Variants in IQGAP1 observed in about 807,000 individuals in gnomAD.
IQGAP1 encodes ras GTPase-activating-like protein IQGAP1.
Under a neutral mutation model 215.6 loss-of-function variants are expected in IQGAP1, and 66 were observed. That is an observed-to-expected ratio of 0.31 (90% CI 0.25 to 0.38). The LOEUF (loss-of-function observed/expected upper bound fraction) is 0.38, where lower values mean the gene tolerates loss of function less well. Among genes scored for constraint, IQGAP1 ranks in the 10% least tolerant of loss-of-function variants. The probability of loss-of-function intolerance (pLI) is 1.00; values close to 1 mark genes in which losing one functional copy is unlikely to be tolerated. For synonymous variants in IQGAP1, 772 were observed against 728.7 expected (o/e 1.06, Z -0.96); for missense variants, 1,712 against 1,997.1 (o/e 0.86, Z 2.72).
chr15:90,487,782 A>AT (rs1414049424), intron 33 of IQGAP1, among the ~76,000 whole-genome samples, 200 bp downstream of exon 33: 1 of 152,144 alleles, frequency 6.6e-6, no homozygotes, highest in East Asian at 1.9e-4. Context: ...TTTGGACAGG[A>AT]AGCTCACTGG....
chr15:90,483,577 T>G lies in IQGAP1; in HGVS notation c.3772T>G (p.Ser1258Ala). 4.3e-6 allele frequency: 7 copies of G among 1,610,712 alleles called. No homozygotes were observed. The highest frequency in any genetic ancestry group is 5.9e-6 in the Non-Finnish European group (7 of 1,178,536). ...CATCATTAATGAATATCTTTCCCAGTCCTACCAGAAATTCAGGTAAGGGGA... is the reference window on the plus strand; with the variant it reads ...CATCATTAATGAATATCTTTCCCAGGCCTACCAGAAATTCAGGTAAGGGGA... ...LSIINEYLSQSYQKFRRFFQT... is the reference protein window; with the variant it reads ...LSIINEYLSQAYQKFRRFFQT... The change falls in exon 29 of 38, where the codon TCC becomes GCC. Residue 1258 changes from serine (S) to alanine (A), a missense_variant. Physicochemically the swap from Ser to Ala is moderately conservative, Grantham distance 99. This residue lies in a region of IQGAP1 where 691 missense variants were observed against 923.0 expected (regional missense o/e 0.75). Transcript: ENST00000268182.
intron 23 of IQGAP1, among the ~76,000 whole-genome samples, chr15:90,475,074 A>G (rs1270369458): frequency 7.3e-6 from 1 of 136,438 alleles, no homozygotes; most frequent in Admixed American, 8.9e-5. Flanking sequence ...ATCTCGGCTC[A>G]CTGCAACCTC....
intron 2 of IQGAP1, among the ~76,000 whole-genome samples, chr15:90,417,646 T>C (rs1270457132): frequency 6.6e-6 from 1 of 152,242 alleles, no homozygotes; most frequent in African/African-American, 2.4e-5. Context: ...TCAGGTAGCA[T>C]GATGCTTCCA....
chr15:90,450,126 A>G (rs1302513307), intron 11 of IQGAP1, among the ~76,000 whole-genome samples: 1 of 151,780 alleles, frequency 6.6e-6, no homozygotes, highest in African/African-American at 2.4e-5. Context: ...CCGTTAGCCA[A>G]CCTCTCTATG....
chr15:90,401,896 G>A (rs1322783607), intron 2 of IQGAP1, among the ~76,000 whole-genome samples: 1 of 152,114 alleles, frequency 6.6e-6, no homozygotes, highest in Non-Finnish European at 1.5e-5. Context: ...TGTGAGATAG[G>A]CATTATTTTT....
At chr15:90,395,928 C>G (rs920827659) in intron 2 of IQGAP1, among the ~76,000 whole-genome samples, 1 of 152,162 alleles carries the variant, frequency 6.6e-6, no homozygotes, top group South Asian at 2.1e-4. Context: ...TGTGCGCTTT[C>G]AAGTCTGTCA....
intron 1 of IQGAP1, among the ~76,000 whole-genome samples, chr15:90,389,817 C>T (rs1020024083): frequency 6.6e-6 from 1 of 150,768 alleles, no homozygotes; most frequent in Admixed American, 6.6e-5. Flanking sequence ...ATTAGCCAGG[C>T]GTGGTGGCCC....
chr15:90,454,696 T>C, intron 14 of IQGAP1, 144 bp downstream of exon 14: 1 of 917,586 alleles, frequency 1.1e-6, no homozygotes, highest in Non-Finnish European at 1.6e-6. Context: ...TAAAGTTGGA[T>C]ATTGTTTTGA....
chr15:90,495,996 C>T (rs969601170), intron 36 of IQGAP1, among the ~76,000 whole-genome samples: 5 of 150,524 alleles, frequency 3.3e-5, no homozygotes, highest in Admixed American at 2.6e-4. Flanking sequence ...AAGTGCCTAC[C>T]TCTATTTGCC....
At chr15:90,496,659 G>A (rs1230032655) in intron 36 of IQGAP1, 1 of 151,916 alleles carries the variant, frequency 6.6e-6, no homozygotes, top group East Asian at 1.9e-4. Context: ...AAAATTTCCT[G>A]GCACGTAACA....
At chr15:90,388,476 CG>C in intron 1 of IQGAP1, 80 bp downstream of exon 1, 1 of 300,080 alleles carries the variant, frequency 3.3e-6, no homozygotes, top group Non-Finnish European at 6.3e-6. Flanking sequence ...GGGGCTCGGC[CG>C]GGCGGGTGGG....
chr15:90,433,919 A>T lies in IQGAP1; in HGVS notation c.467+124A>T, dbSNP rs1484504956. ...ATTAGTTTCAAAAGTTCCAAATAGG[A>T]TAAAATACTATTATCCGAACAAAAT... On this transcript the variant is annotated intron_variant, in intron 5 of 37. Coordinates refer to ENST00000268182, the MANE Select transcript of IQGAP1 (RefSeq NM_003870.4). 16 of 521,848 alleles carry T rather than the reference A, an allele frequency of 3.1e-5. No homozygotes were observed. In the South Asian group the frequency reaches 4.4e-4, roughly 14 times the overall value. 32.3% of individuals were successfully genotyped at this position (521,848 alleles called of 1,614,324 possible).
At chr15:90,475,246 G>A (rs1167757579) in intron 23 of IQGAP1, among the ~76,000 whole-genome samples, 3 of 151,960 alleles carry the variant, frequency 2.0e-5, no homozygotes, top group Non-Finnish European at 2.9e-5. Context: ...TGATCCACCC[G>A]CCTCAGCCTC....
chr15:90,495,869 C>G (rs1966265681), intron 36 of IQGAP1, among the ~76,000 whole-genome samples: 1 of 150,064 alleles, frequency 6.7e-6, no homozygotes, highest in African/African-American at 2.4e-5. Context: ...AAACTCCTGA[C>G]CTCATGTGAT....
intron 2 of IQGAP1, among the ~76,000 whole-genome samples, chr15:90,403,153 G>A (rs1039962784): frequency 2.0e-5 from 3 of 152,162 alleles, no homozygotes; most frequent in Non-Finnish European, 4.4e-5. Flanking sequence ...GCACACACCT[G>A]TAGTTCCAGC....
chr15:90,453,356 C>T, intron 13 of IQGAP1, 64 bp downstream of exon 13: 1 of 1,267,154 alleles, frequency 7.9e-7, no homozygotes, highest in South Asian at 1.5e-5. Context: ...TTTTGTATGT[C>T]AGTGCTCCGA....
chr15:90,472,555 C>T (rs1567137521), intron 18 of IQGAP1, among the ~76,000 whole-genome samples: 1 of 152,036 alleles, frequency 6.6e-6, no homozygotes, highest in Non-Finnish European at 1.5e-5. Context: ...CAGCACAGTG[C>T]CCAGCCTAGT....
chr15:90,398,455 G>T (rs570687848), intron 2 of IQGAP1, among the ~76,000 whole-genome samples: 1 of 152,282 alleles, frequency 6.6e-6, no homozygotes, highest in South Asian at 2.1e-4. Context: ...TAAAGGAAAA[G>T]AAGGGATTAA....
intron 8 of IQGAP1, among the ~76,000 whole-genome samples, chr15:90,443,030 A>G (rs1179094955): frequency 6.6e-6 from 1 of 151,910 alleles, no homozygotes; most frequent in Non-Finnish European, 1.5e-5. Context: ...CACGGTCATA[A>G]CTCACTGCAG....
Sources: gnomAD v4.1 joint callset for allele counts (sites outside exome capture counted in the v4.1 genomes callset) on GRCh38, gnomAD v4.1.1 for gene constraint, gnomAD v4.1.1 regional missense constraint, MANE v1.5 for transcripts, NCBI Gene and HGNC (gene_info 2026-07-23, HGNC 2026-07-21) for gene names.